Variants in RORB observed in about 807,000 individuals in gnomAD.
The protein encoded by RORB is nuclear receptor ROR-beta.
Under a neutral mutation model 59.1 loss-of-function variants are expected in RORB, and 6 were observed. The ratio of observed to expected loss-of-function variants is 0.10; its 90% CI spans 0.06 to 0.20. The LOEUF (loss-of-function observed/expected upper bound fraction) is 0.20. RORB is among the 10% of genes least tolerant of loss of function. The pLI, the probability that RORB is intolerant of heterozygous loss-of-function variation, is 1.00. For missense variants in RORB, 320 were observed against 560.5 expected (o/e 0.57, Z 4.33); for synonymous variants, 215 against 204.5 (o/e 1.05, Z -0.44).
chr9:74,523,506 TC>T (rs975285398), intron 1 of RORB, among the ~76,000 whole-genome samples: 1 of 151,884 alleles, frequency 6.6e-6, no homozygotes, highest in African/African-American at 2.4e-5. Flanking sequence ...AAAGTATAAA[TC>T]TGTATTTACA....
In RORB at chr9:74,593,395, G is replaced by T. The variant is rs111919286; in HGVS notation, c.8-36887G>T. 2.2e-3 allele frequency among the ~76,000 whole-genome samples: 324 copies of T among 149,564 alleles called. 3 individuals are homozygous for T. Among genetic ancestry groups the T allele is most frequent in the African/African-American group, 7.5e-3 (305 of 40,622 alleles). On this transcript the variant is annotated intron_variant, in intron 1 of 9. Coordinates refer to ENST00000376896, the MANE Select transcript of RORB (RefSeq NM_006914.4). ...GAATGAGAATCTCTTGAACCTGGGA[G>T]GTGGAGGTTGCAGTAAGCCGAGATC...
intron 8 of RORB, among the ~76,000 whole-genome samples, chr9:74,670,120 A>G (rs1824325001): frequency 6.6e-6 from 1 of 151,970 alleles, no homozygotes; most frequent in Non-Finnish European, 1.5e-5. Context: ...AAGCACAAAG[A>G]TAGATGGAAG....
intron 1 of RORB, 79 bp from the exon 2 acceptor site, chr9:74,630,203 T>C (rs1196709102): frequency 1.3e-6 from 2 of 1,556,040 alleles, no homozygotes; most frequent in South Asian, 1.2e-5. Context: ...AAGGCAGAGA[T>C]AGATGGGGAG....
chr9:74,645,355 A>C (rs1823877443), intron 4 of RORB, among the ~76,000 whole-genome samples: 1 of 152,202 alleles, frequency 6.6e-6, no homozygotes, highest in Non-Finnish European at 1.5e-5. Flanking sequence ...TGACAGTATC[A>C]CTGGGCAGGA....
At chr9:74,623,190 C>G (rs1823452862) in intron 1 of RORB, among the ~76,000 whole-genome samples, 2 of 152,094 alleles carry the variant, frequency 1.3e-5, no homozygotes, top group Non-Finnish European at 2.9e-5. Context: ...TTCAAGAAAG[C>G]CTTTGTCAGT....
intron 1 of RORB, among the ~76,000 whole-genome samples, chr9:74,600,395 G>A (rs2118319601): frequency 6.6e-6 from 1 of 152,346 alleles, no homozygotes; most frequent in East Asian, 1.9e-4. Flanking sequence ...CATGTTCAAA[G>A]TGAATTAAAT....
rs147029552 is a variant in RORB, at chr9:74,593,378, A to G, written c.8-36904A>G. Among the ~76,000 whole-genome samples, 879 of 151,478 alleles carry G rather than the reference A, an allele frequency of 5.8e-3. 11 individuals are homozygous for G. Among genetic ancestry groups the G allele is most frequent in the African/African-American group, 0.02 (832 of 41,298 alleles). The stretch of plus-strand genomic sequence containing the variant: ...CTACTTGGGAGGCTGAGGAATGAGA[A>G]TCTCTTGAACCTGGGAGGTGGAGGT... On this transcript the variant is annotated intron_variant, in intron 1 of 9. Coordinates refer to ENST00000376896, the MANE Select transcript of RORB (RefSeq NM_006914.4).
chr9:74,563,800 C>A (rs1219380443), intron 1 of RORB, among the ~76,000 whole-genome samples: 1 of 152,130 alleles, frequency 6.6e-6, no homozygotes, highest in Non-Finnish European at 1.5e-5. Context: ...GGGTTAGGGA[C>A]TGAGGAAAGC....
chr9:74,524,232 T>C (rs1826125059), intron 1 of RORB, among the ~76,000 whole-genome samples: 1 of 151,628 alleles, frequency 6.6e-6, no homozygotes, highest in Non-Finnish European at 1.5e-5. Context: ...AAGAGAAGAC[T>C]GTGGAAAGGC....
At chr9:74,530,636 G>C (rs1313287893) in intron 1 of RORB, among the ~76,000 whole-genome samples, 2 of 151,954 alleles carry the variant, frequency 1.3e-5, no homozygotes, top group Non-Finnish European at 2.9e-5. Flanking sequence ...TATGAATTAA[G>C]AACATTGATC....
chr9:74,606,426 T>C (rs1334032847), intron 1 of RORB, among the ~76,000 whole-genome samples: 4 of 152,252 alleles, frequency 2.6e-5, no homozygotes, highest in African/African-American at 7.2e-5. Flanking sequence ...TCCACATTTG[T>C]TTCTCATTCT....
chr9:74,532,778 G>A (rs10869413), intron 1 of RORB, among the ~76,000 whole-genome samples: 83,645 of 146,486 alleles, frequency 0.57, 23,880 homozygotes, highest in East Asian at 0.83. Context: ...GTATGTGTAT[G>A]TGTGTATATA....
intron 1 of RORB, among the ~76,000 whole-genome samples, chr9:74,529,321 A>G (rs1826200102): frequency 6.6e-6 from 1 of 151,842 alleles, no homozygotes; most frequent in Non-Finnish European, 1.5e-5. Flanking sequence ...ATAAATAAGA[A>G]ATTTATAATC....
intron 1 of RORB, among the ~76,000 whole-genome samples, chr9:74,502,254 A>G (rs1464690327): frequency 1.3e-5 from 2 of 152,126 alleles, no homozygotes; most frequent in Non-Finnish European, 2.9e-5. Flanking sequence ...ACCAAATTAC[A>G]AAGTTTTTGG....
intron 1 of RORB, among the ~76,000 whole-genome samples, chr9:74,609,153 T>C (rs1352136770): frequency 6.6e-6 from 1 of 152,230 alleles, no homozygotes; most frequent in African/African-American, 2.4e-5. Context: ...AATATTGGCT[T>C]AAGTGCATTC....
At chr9:74,530,309 C>T (rs1479939333) in intron 1 of RORB, among the ~76,000 whole-genome samples, 1 of 151,964 alleles carries the variant, frequency 6.6e-6, no homozygotes, top group African/African-American at 2.4e-5. Flanking sequence ...TTGGTGTACC[C>T]TGAATTTGAA....
chr9:74,620,636 T>C (rs1823398801), intron 1 of RORB, among the ~76,000 whole-genome samples: 1 of 152,218 alleles, frequency 6.6e-6, no homozygotes, highest in Non-Finnish European at 1.5e-5. Context: ...AATTGTGATG[T>C]TAGGATGTCA....
intron 1 of RORB, among the ~76,000 whole-genome samples, chr9:74,588,404 C>T (rs888559798): frequency 1.3e-5 from 2 of 152,120 alleles, no homozygotes; most frequent in Non-Finnish European, 1.5e-5. Flanking sequence ...TTGACTTTGA[C>T]AAAGTCAGGT....
At chr9:74,504,071 C>T (rs4090240) in intron 1 of RORB, among the ~76,000 whole-genome samples, 30,473 of 151,888 alleles carry the variant, frequency 0.2, 3,848 homozygotes, top group Middle Eastern at 0.29. Flanking sequence ...AGAATTTTGG[C>T]TTGCTCAGGT....
Sources: gnomAD v4.1 joint callset for allele counts (sites outside exome capture counted in the v4.1 genomes callset) on GRCh38, gnomAD v4.1.1 for gene constraint, MANE v1.5 for transcripts, NCBI Gene and HGNC (gene_info 2026-07-23, HGNC 2026-07-21) for gene names.